The following CALN1 variants were observed in gnomAD, a reference collection of about 807,000 sequenced individuals.
The protein encoded by CALN1 is calcium-binding protein 8.
A neutral mutation model predicts 30.6 loss-of-function variants in CALN1; 17 were observed. The observed-to-expected ratio is 0.56, with a 90% CI of 0.38 to 0.83. The LOEUF (loss-of-function observed/expected upper bound fraction) is 0.83. Ranked by LOEUF, CALN1 falls within the 40% of genes least tolerant of loss-of-function variation. The probability of loss-of-function intolerance (pLI) is 0.00; values close to 1 mark genes in which losing one functional copy is unlikely to be tolerated. For synonymous variants in CALN1, 156 were observed against 131.4 expected (o/e 1.19, Z -1.28); for missense variants, 291 against 354.9 (o/e 0.82, Z 1.45).
At chr7:72,312,207 C>A (rs1800098988) in intron 2 of CALN1, among the ~76,000 whole-genome samples, 1 of 151,954 alleles carries the variant, frequency 6.6e-6, no homozygotes, top group Non-Finnish European at 1.5e-5. Context: ...AGTTCGAGAC[C>A]AGCCTAGCCA....
intron 2 of CALN1, among the ~76,000 whole-genome samples, chr7:72,350,296 A>G (rs766223873): frequency 6.6e-6 from 1 of 152,226 alleles, no homozygotes; most frequent in Non-Finnish European, 1.5e-5. Context: ...ACCCAAAGGA[A>G]TATGAATCGT....
the CALN1 span, among the ~76,000 whole-genome samples, chr7:72,464,068 AAAG>A: frequency 7.0e-6 from 1 of 142,336 alleles, no homozygotes; most frequent in Non-Finnish European, 1.5e-5. Flanking sequence ...AGAAAGAAAG[AAAG>A]AAGAAAGAAA....
At chr7:71,906,222 T>A (rs1349897689) in intron 5 of CALN1, among the ~76,000 whole-genome samples, 1 of 152,138 alleles carries the variant, frequency 6.6e-6, no homozygotes, top group Non-Finnish European at 1.5e-5. Context: ...CACGCTCTGG[T>A]GATCATTCCT....
At chr7:72,048,775 T>TC (rs1802649003) in intron 4 of CALN1, among the ~76,000 whole-genome samples, 1 of 151,188 alleles carries the variant, frequency 6.6e-6, no homozygotes, top group African/African-American at 2.4e-5. Context: ...CCTGCCTTTT[T>TC]CCCTCCCTTC....
At chr7:71,998,825 G>T (rs1353849330) in intron 5 of CALN1, among the ~76,000 whole-genome samples, 1 of 151,974 alleles carries the variant, frequency 6.6e-6, no homozygotes, top group Non-Finnish European at 1.5e-5. Context: ...CAAAGTGCTG[G>T]GATTGCAGGT....
intron 4 of CALN1, among the ~76,000 whole-genome samples, chr7:72,063,755 G>A (rs1189612972): frequency 6.6e-6 from 1 of 152,180 alleles, no homozygotes; most frequent in Non-Finnish European, 1.5e-5. Context: ...ACCTGACGTG[G>A]AAAGGAAATG....
At chr7:72,036,272 T>C (rs1175751634) in intron 4 of CALN1, among the ~76,000 whole-genome samples, 1 of 152,236 alleles carries the variant, frequency 6.6e-6, no homozygotes, top group Non-Finnish European at 1.5e-5. Flanking sequence ...CTACAAAGAT[T>C]CTCTTTGTCT....
chr7:72,283,911 CAAAGA>C (rs1338889615), intron 2 of CALN1, among the ~76,000 whole-genome samples: 1 of 152,136 alleles, frequency 6.6e-6, no homozygotes, highest in Non-Finnish European at 1.5e-5. Context: ...ATTGTCATAT[CAAAGA>C]AAAGATCTTG....
intron 3 of CALN1, among the ~76,000 whole-genome samples, chr7:72,119,970 C>G (rs1255130570): frequency 1.3e-5 from 2 of 152,078 alleles, no homozygotes; most frequent in African/African-American, 2.4e-5. Context: ...TCAACTTTTA[C>G]TTTAGATTCA....
At chr7:72,328,125 AAT>A (rs1491283718) in intron 2 of CALN1, among the ~76,000 whole-genome samples, 53 of 152,012 alleles carry the variant, frequency 3.5e-4, no homozygotes, top group African/African-American at 1.2e-3. Context: ...TTAAAAAAAA[AAT>A]GTTTACTTTC....
chr7:72,128,535 C>T (rs371334888), intron 3 of CALN1, among the ~76,000 whole-genome samples: 2 of 152,040 alleles, frequency 1.3e-5, no homozygotes, highest in African/African-American at 2.4e-5. Context: ...GGAGGAAACA[C>T]GAACCAAAAG....
At chr7:71,974,289 G>A (rs1797991730) in intron 5 of CALN1, among the ~76,000 whole-genome samples, 1 of 151,792 alleles carries the variant, frequency 6.6e-6, no homozygotes, top group Non-Finnish European at 1.5e-5. Context: ...ATGGTGGTAC[G>A]TGCCTGTGAT....
At chr7:71,895,311 CTCTTT>C (rs916197415) in intron 5 of CALN1, among the ~76,000 whole-genome samples, 2 of 148,604 alleles carry the variant, frequency 1.3e-5, no homozygotes, top group African/African-American at 5.0e-5. Flanking sequence ...ACAATTTTCT[CTCTTT>C]TCTTTTTTTT....
intron 3 of CALN1, among the ~76,000 whole-genome samples, chr7:72,202,072 A>C (rs1791475851): frequency 6.6e-6 from 1 of 152,252 alleles, no homozygotes; most frequent in South Asian, 2.1e-4. Flanking sequence ...ATGTGAGTAA[A>C]CATCTATAGT....
At chr7:72,070,960 G>T (rs1389408243) in intron 4 of CALN1, among the ~76,000 whole-genome samples, 2 of 152,200 alleles carry the variant, frequency 1.3e-5, no homozygotes, top group Admixed American at 6.5e-5. Flanking sequence ...GGATGGAGAA[G>T]ATGGCAAAGC....
chr7:71,973,390 G>A (rs1287502020), intron 5 of CALN1, among the ~76,000 whole-genome samples: 1 of 152,122 alleles, frequency 6.6e-6, no homozygotes, highest in Admixed American at 6.6e-5. Flanking sequence ...TGGCCAGGCT[G>A]GTCTCAAACT....
intron 1 of CALN1, among the ~76,000 whole-genome samples, chr7:72,411,524 G>A (rs141342383): frequency 1.3e-5 from 2 of 152,104 alleles, no homozygotes; most frequent in East Asian, 1.9e-4. Context: ...AAATATGGAC[G>A]TATCAGTTGT....
intron 2 of CALN1, among the ~76,000 whole-genome samples, chr7:72,400,892 GGT>G (rs1806293507): frequency 6.6e-6 from 1 of 152,114 alleles, no homozygotes; most frequent in East Asian, 1.9e-4. Context: ...GGCTCTGGGA[GGT>G]GTGAAAGTGA....
chr7:72,106,312 A>T lies in CALN1; in HGVS notation c.245-18T>A, dbSNP rs1180199557. On this transcript the variant is annotated intron_variant, in intron 3 of 6. Transcript: ENST00000395275. ...TCGGATTTCTACAATGGAAAAGCAA[A>T]GAAAGTCCAGTGGTCACATGGCTGG... The T allele has an allele frequency of 1.9e-6, 3 of 1,613,530 alleles. No individual in the cohort carries two copies. Among genetic ancestry groups the T allele is most frequent in the Non-Finnish European group, 2.5e-6 (3 of 1,179,654 alleles).
Sources: allele counts gnomAD v4.1 joint callset (sites outside exome capture counted in the v4.1 genomes callset), GRCh38; gene constraint gnomAD v4.1.1; transcripts MANE v1.5; gene names NCBI Gene and HGNC (gene_info 2026-07-23, HGNC 2026-07-21).